CFAP263: variants seen among roughly 807,000 people sequenced by gnomAD.
The protein encoded by CFAP263 is cilia and flagella associated protein 263.
the CFAP263 span, among the ~76,000 whole-genome samples, chr16:58,269,986 G>T: frequency 6.6e-6 from 1 of 152,116 alleles, no homozygotes; most frequent in Non-Finnish European, 1.5e-5. Flanking sequence ...TCCAGTTTTT[G>T]TACATCTTTG....
chr16:58,251,163 A>G, the CFAP263 span, among the ~76,000 whole-genome samples: 7 of 152,210 alleles, frequency 4.6e-5, no homozygotes, highest in African/African-American at 7.2e-5. Context: ...ATGCATTTAC[A>G]TATATGATCT....
chr16:58,259,723 G>A, the CFAP263 span: 1 of 565,454 alleles, frequency 1.8e-6, no homozygotes, highest in Non-Finnish European at 3.1e-6. Flanking sequence ...GAAGTAAAAG[G>A]ACCTAAAATA....
At chr16:58,259,956 T>G in the CFAP263 span, 1 of 1,496,662 alleles carries the variant, frequency 6.7e-7, no homozygotes, top group South Asian at 1.2e-5. Context: ...TTTTTCTCTC[T>G]CTCTCTGTTT....
the CFAP263 span, among the ~76,000 whole-genome samples, chr16:58,256,628 G>A: frequency 2.0e-5 from 3 of 152,160 alleles, 1 homozygote; most frequent in Admixed American, 2.0e-4. Context: ...TTAGAAAGCT[G>A]GACCCCACTG....
At chr16:58,267,803 A>C in the CFAP263 span, among the ~76,000 whole-genome samples, 1 of 152,174 alleles carries the variant, frequency 6.6e-6, no homozygotes, top group South Asian at 2.1e-4. Flanking sequence ...TGGGTTCTAG[A>C]GTCAGCTCAG....
chr16:58,265,672 A>G, the CFAP263 span, among the ~76,000 whole-genome samples: 3 of 152,322 alleles, frequency 2.0e-5, no homozygotes, highest in Non-Finnish European at 4.4e-5. Flanking sequence ...CTTCCGGCCT[A>G]TGGAAGCTGT....
the CFAP263 span, chr16:58,279,840 A>G: frequency 7.8e-7 from 1 of 1,280,200 alleles, no homozygotes; most frequent in Admixed American, 1.9e-5. Flanking sequence ...GCTCCTTTCT[A>G]GTCACGGGCT....
At chr16:58,258,251 T>G in the CFAP263 span, 3 of 827,028 alleles carry the variant, frequency 3.6e-6, no homozygotes, top group Non-Finnish European at 3.9e-6. Flanking sequence ...TTCCTAAGAC[T>G]AAGAAGAAAC....
At chr16:58,259,324 C>T in the CFAP263 span, among the ~76,000 whole-genome samples, 1 of 152,168 alleles carries the variant, frequency 6.6e-6, no homozygotes, top group Non-Finnish European at 1.5e-5. Flanking sequence ...CCACCTTGGC[C>T]TCCCAAAGTG....
chr16:58,280,747 C>T, the CFAP263 span: 1 of 1,600,656 alleles, frequency 6.2e-7, no homozygotes, highest in African/African-American at 1.3e-5. Flanking sequence ...CATTGGGCTT[C>T]CTGGGTCCCC....
At chr16:58,278,647 G>A in the CFAP263 span, 15 of 1,613,402 alleles carry the variant, frequency 9.3e-6, no homozygotes, top group East Asian at 8.9e-5. Context: ...GGTGAGCCAC[G>A]GGGAGCCCCA....
At chr16:58,262,290 AC>A in the CFAP263 span, 1 of 1,150,420 alleles carries the variant, frequency 8.7e-7, no homozygotes, top group Non-Finnish European at 1.3e-6. Flanking sequence ...ATGATGACTG[AC>A]CTCCAAAGTC....
chr16:58,260,282 T>G, the CFAP263 span, among the ~76,000 whole-genome samples: 1 of 152,052 alleles, frequency 6.6e-6, no homozygotes. Flanking sequence ...CTCTAGAAGC[T>G]GGAAATGACA....
the CFAP263 span, among the ~76,000 whole-genome samples, chr16:58,274,508 GT>G: frequency 2.6e-5 from 4 of 152,204 alleles, no homozygotes; most frequent in African/African-American, 4.8e-5. Context: ...CTGGTGGAAG[GT>G]GATTGGATCA....
chr16:58,267,718 T>G, the CFAP263 span: 1 of 618,860 alleles, frequency 1.6e-6, no homozygotes, highest in Non-Finnish European at 2.9e-6. Flanking sequence ...AAAATCAAAA[T>G]AGCTCTGGGC....
At chr16:58,274,480 A>G in the CFAP263 span, among the ~76,000 whole-genome samples, 10 of 152,062 alleles carry the variant, frequency 6.6e-5, no homozygotes, top group Admixed American at 3.9e-4. Flanking sequence ...TGTAATTCCC[A>G]TTTGTCAAAG....
At chr16:58,259,755 A>G in the CFAP263 span, 1 of 646,128 alleles carries the variant, frequency 1.5e-6, no homozygotes, top group African/African-American at 1.9e-5. Context: ...GTTAGGGCTC[A>G]AGGTTTGGTT....
the CFAP263 span, among the ~76,000 whole-genome samples, chr16:58,268,077 G>A: frequency 2.0e-4 from 26 of 132,206 alleles, no homozygotes; most frequent in African/African-American, 3.0e-5. Context: ...ATAACCATAC[G>A]ACATCTCGCC....
the CFAP263 span, among the ~76,000 whole-genome samples, chr16:58,251,799 GC>G: frequency 2.9e-5 from 2 of 70,014 alleles, no homozygotes; most frequent in Admixed American, 2.2e-4. Flanking sequence ...AAACATCAAA[GC>G]TGTTCTCTCT....
Sources: allele counts gnomAD v4.1 joint callset (sites outside exome capture counted in the v4.1 genomes callset), GRCh38; gene constraint gnomAD v4.1.1; transcripts MANE v1.5; gene names NCBI Gene and HGNC (gene_info 2026-07-23, HGNC 2026-07-21).